Variants in PCGF6 observed in about 807,000 individuals in gnomAD.
PCGF6 encodes polycomb group ring finger 6.
PCGF6 carries 24 observed loss-of-function variants against 45.5 expected under a neutral mutation model. The observed-to-expected ratio is 0.53, with a 90% CI of 0.38 to 0.74. The LOEUF (loss-of-function observed/expected upper bound fraction) is 0.74, where lower values mean the gene tolerates loss of function less well. Ranked by LOEUF, PCGF6 falls within the 30% of genes least tolerant of loss-of-function variation. The probability of loss-of-function intolerance (pLI) is 0.00; values close to 1 mark genes in which losing one functional copy is unlikely to be tolerated. For missense variants in PCGF6, 356 were observed against 443.2 expected, an observed-to-expected ratio of 0.80 and a Z score of 1.77; for synonymous variants, 152 against 162.1, an observed-to-expected ratio of 0.94 and a Z score of 0.47.
At chr10:103,348,021 C>T (rs2093306054) in intron 3 of PCGF6, among the ~76,000 whole-genome samples, 1 of 151,946 alleles carries the variant, frequency 6.6e-6, no homozygotes, top group East Asian at 1.9e-4. Context: ...TCTTAAGAAA[C>T]TGAGTATGAA....
At chr10:103,345,221 G>T in intron 5 of PCGF6, 89 bp from the exon 6 acceptor site, 1 of 910,550 alleles carries the variant, frequency 1.1e-6, no homozygotes, top group South Asian at 1.6e-5. Flanking sequence ...TTATAATTAT[G>T]TTGAGTATTT....
At chr10:103,321,647 G>A (rs1316520174) in intron 8 of PCGF6, among the ~76,000 whole-genome samples, 2 of 151,990 alleles carry the variant, frequency 1.3e-5, no homozygotes, top group Admixed American at 1.3e-4. Context: ...GGGAGGCGGA[G>A]CTTGCAGTGA....
At chr10:103,305,678 A>G (rs1734447403) in intron 9 of PCGF6, among the ~76,000 whole-genome samples, 1 of 152,176 alleles carries the variant, frequency 6.6e-6, no homozygotes, top group African/African-American at 2.4e-5. Flanking sequence ...GCTCACCACT[A>G]TAATAATTGC....
rs962887531 is a variant in PCGF6, at chr10:103,351,108, G to A, written c.-42C>T. 2.2e-6 allele frequency: 3 copies of A among 1,337,250 alleles called. No individual in the cohort carries two copies. The highest frequency in any genetic ancestry group is 1.5e-5 in the African/African-American group (1 of 66,506). 82.8% of individuals were successfully genotyped at this position (1,337,250 alleles called of 1,614,324 possible). ...AGGCGAGGCGAGGCGGCGGGAGAGCGCGGGAGTTCGGCCGGCCTCGGACGC... is the reference window on the plus strand; with the variant it reads ...AGGCGAGGCGAGGCGGCGGGAGAGCACGGGAGTTCGGCCGGCCTCGGACGC... On this transcript the variant is annotated 5_prime_UTR_variant, in exon 1 of 10. Transcript: ENST00000369847.
rs374769152 is a variant in PCGF6, at chr10:103,350,083, A to AAAAACAAAAC, written c.360+614_360+623dup. On this transcript the variant is annotated intron_variant, in intron 1 of 9. Transcript: ENST00000369847. ...GGGCGACAGAGCGAGACTCCGTCTC[A>AAAAACAAAAC]AAAACAAAACAAAACAAAACAAAAC... Among the ~76,000 whole-genome samples the AAAAACAAAAC allele has an allele frequency of 1.0e-3, 147 of 145,212 alleles. 2 individuals carry two copies. The highest frequency in any genetic ancestry group is 6.0e-3 in the East Asian group (27 of 4,498).
At chr10:103,339,182 AG>A (rs1307841153) in intron 6 of PCGF6, among the ~76,000 whole-genome samples, 1 of 152,070 alleles carries the variant, frequency 6.6e-6, no homozygotes, top group East Asian at 1.9e-4. Context: ...TGGGAGGCCA[AG>A]GCGGGTAGAT....
chr10:103,331,020 C>G (rs148959046), intron 7 of PCGF6, among the ~76,000 whole-genome samples: 39 of 152,270 alleles, frequency 2.6e-4, no homozygotes, highest in African/African-American at 9.4e-4. Context: ...CTGCTTTCTG[C>G]TCCTGTGGAT....
chr10:103,322,495 C>G (rs1324825575), intron 8 of PCGF6, among the ~76,000 whole-genome samples: 1 of 152,030 alleles, frequency 6.6e-6, no homozygotes, highest in African/African-American at 2.4e-5. Context: ...TGCAAGCCAC[C>G]ACGGCCAGCC....
At chr10:103,306,451 G>A (rs2093138731) in intron 9 of PCGF6, among the ~76,000 whole-genome samples, 1 of 152,132 alleles carries the variant, frequency 6.6e-6, no homozygotes, top group African/African-American at 2.4e-5. Flanking sequence ...TGGATAACTA[G>A]CTAAAAGGAA....
rs1382453397 is a variant in PCGF6, at chr10:103,326,173, G to A, written c.909+361C>T. Among the ~76,000 whole-genome samples the A allele has an allele frequency of 5.9e-5, 9 of 151,730 alleles. No homozygotes were observed. In the East Asian group the frequency reaches 1.4e-3, roughly 23 times the overall value. ...AGCACTTTGGGAGGCCGAGGCGGGC[G>A]GATCACGAGGTCAGGAGATCGAGAC... On this transcript the variant is annotated intron_variant, in intron 8 of 9. Transcript: ENST00000369847.
intron 5 of PCGF6, among the ~76,000 whole-genome samples, chr10:103,346,824 A>C (rs1301163310): frequency 6.6e-6 from 1 of 152,236 alleles, no homozygotes; most frequent in African/African-American, 2.4e-5. Flanking sequence ...TTTAAATCCA[A>C]ATCTATTTCA....
intron 6 of PCGF6, among the ~76,000 whole-genome samples, chr10:103,337,038 ATTGC>A (rs1352130267): frequency 6.6e-6 from 1 of 152,184 alleles, no homozygotes; most frequent in Non-Finnish European, 1.5e-5. Context: ...GGGACTTACC[ATTGC>A]TTTATTTCCA....
intron 8 of PCGF6, among the ~76,000 whole-genome samples, chr10:103,316,011 T>TAGAGAGAGAGAG (rs1405037542): frequency 2.3e-5 from 3 of 129,790 alleles, no homozygotes; most frequent in African/African-American, 9.2e-5. Flanking sequence ...TATATATATA[T>TAGAGAGAGAGAG]ATAGAGAGAG....
intron 8 of PCGF6, among the ~76,000 whole-genome samples, chr10:103,324,012 T>C (rs571892261): frequency 3.3e-5 from 5 of 152,262 alleles, no homozygotes. Flanking sequence ...TGATCTAGGC[T>C]AACTGCAACC....
intron 8 of PCGF6, among the ~76,000 whole-genome samples, chr10:103,314,948 C>T (rs1341440996): frequency 1.2e-5 from 1 of 85,150 alleles, no homozygotes; most frequent in African/African-American, 4.8e-5. Flanking sequence ...GAGCGAGACT[C>T]TGTCATAAAA....
intron 9 of PCGF6, 34 bp downstream of exon 9, chr10:103,314,151 CT>C: frequency 7.3e-7 from 1 of 1,365,308 alleles, no homozygotes; most frequent in Non-Finnish European, 1.0e-6. Flanking sequence ...CACTAAGTAA[CT>C]TATCTGTTAG....
chr10:103,347,464 A>G lies in PCGF6; in HGVS notation c.558-14T>C, dbSNP rs1249126160. On this transcript the variant is annotated splice_polypyrimidine_tract_variant and intron_variant, in intron 3 of 9. Coordinates refer to ENST00000369847, the MANE Select transcript of PCGF6 (RefSeq NM_001011663.2). Reference sequence around the variant, plus strand: ...TGTCGGTCCAACCTAATAAAAGGAAAGGATGGAGAATACCTCAGAATTCAG... The same window carrying G: ...TGTCGGTCCAACCTAATAAAAGGAAGGGATGGAGAATACCTCAGAATTCAG... 5 of 1,590,550 alleles carry G rather than the reference A, an allele frequency of 3.1e-6. No individual in the cohort carries two copies. In the African/African-American group the frequency reaches 6.7e-5, roughly 21 times the overall value.
chr10:103,305,859 G>A (rs1321038808), intron 9 of PCGF6, among the ~76,000 whole-genome samples: 1 of 150,846 alleles, frequency 6.6e-6, no homozygotes, highest in Non-Finnish European at 1.5e-5. Flanking sequence ...ACCAGCCTGG[G>A]CAACATGGTG....
At chr10:103,310,124 G>C (rs2093151815) in intron 9 of PCGF6, among the ~76,000 whole-genome samples, 1 of 151,798 alleles carries the variant, frequency 6.6e-6, no homozygotes, top group South Asian at 2.1e-4. Flanking sequence ...CTAATTTTTT[G>C]TATTTTTAGT....
Sources: allele counts gnomAD v4.1 joint callset (sites outside exome capture counted in the v4.1 genomes callset), GRCh38; gene constraint gnomAD v4.1.1; transcripts MANE v1.5; gene names NCBI Gene and HGNC (gene_info 2026-07-23, HGNC 2026-07-21).